The following LRRC4C variants were observed in gnomAD, a reference collection of about 807,000 sequenced individuals.
LRRC4C encodes the protein leucine rich repeat containing 4C.
A neutral mutation model predicts 33.6 loss-of-function variants in LRRC4C; 5 were observed. The observed-to-expected ratio is 0.15, with a 90% CI of 0.08 to 0.31. The LOEUF (loss-of-function observed/expected upper bound fraction) is 0.31. LRRC4C is among the 10% of genes least tolerant of loss of function. The pLI, the probability that LRRC4C is intolerant of heterozygous loss-of-function variation, is 1.00. For synonymous variants in LRRC4C, 329 were observed against 302.0 expected, an observed-to-expected ratio of 1.09 and a Z score of -0.93; for missense variants, 560 against 796.7, an observed-to-expected ratio of 0.70 and a Z score of 3.58.
intron 2 of LRRC4C, among the ~76,000 whole-genome samples, chr11:40,663,365 GCCACCGCAC>G (rs1943548514): frequency 6.6e-6 from 1 of 152,232 alleles, no homozygotes; most frequent in African/African-American, 2.4e-5. Context: ...ACAGGCGTGA[GCCACCGCAC>G]CCAGCCAATT....
At chr11:40,348,272 TA>T (rs71060953) in intron 3 of LRRC4C, among the ~76,000 whole-genome samples, 38 of 146,344 alleles carry the variant, frequency 2.6e-4, no homozygotes, top group African/African-American at 4.3e-4. Context: ...TTCAATTTGT[TA>T]AAAAAAAAAA....
chr11:40,193,468 C>A (rs1258096472), intron 5 of LRRC4C, among the ~76,000 whole-genome samples: 1 of 152,052 alleles, frequency 6.6e-6, no homozygotes, highest in Non-Finnish European at 1.5e-5. Context: ...CATCAAAGAC[C>A]AAAGGTAGAT....
At chr11:40,659,829 C>A (rs1436008231) in intron 2 of LRRC4C, among the ~76,000 whole-genome samples, 2 of 152,206 alleles carry the variant, frequency 1.3e-5, no homozygotes, top group African/African-American at 2.4e-5. Flanking sequence ...GAGAAAACTC[C>A]TCTCCACCTT....
At chr11:40,952,900 T>A (rs7479164) in intron 1 of LRRC4C, among the ~76,000 whole-genome samples, 19,061 of 70,710 alleles carry the variant, frequency 0.27, 1,424 homozygotes, top group Non-Finnish European at 0.37. Flanking sequence ...ACACACACTC[T>A]CTCTCTCTCT....
chr11:41,338,542 G>T (rs990012896), intron 1 of LRRC4C, among the ~76,000 whole-genome samples: 3 of 151,972 alleles, frequency 2.0e-5, no homozygotes, highest in Non-Finnish European at 1.5e-5. Context: ...GGGGCCTGTC[G>T]GGAGGTGGTG....
chr11:40,951,866 T>A (rs1405344663), intron 1 of LRRC4C, among the ~76,000 whole-genome samples: 1 of 152,016 alleles, frequency 6.6e-6, no homozygotes, highest in Non-Finnish European at 1.5e-5. Flanking sequence ...TTCTCTGTAA[T>A]CAGTCTGTCT....
chr11:41,004,020 C>T (rs892468047), intron 1 of LRRC4C, among the ~76,000 whole-genome samples: 9 of 151,962 alleles, frequency 5.9e-5, no homozygotes, highest in African/African-American at 7.3e-5. Flanking sequence ...GAAGACAAAA[C>T]GGCCCAGTGG....
intron 2 of LRRC4C, among the ~76,000 whole-genome samples, chr11:40,781,366 T>G (rs954897355): frequency 3.3e-5 from 5 of 152,074 alleles, no homozygotes; most frequent in Non-Finnish European, 5.9e-5. Flanking sequence ...CAAAATAATA[T>G]CAACCAATTA....
chr11:40,194,300 T>C (rs1862073522), intron 5 of LRRC4C, among the ~76,000 whole-genome samples: 1 of 152,152 alleles, frequency 6.6e-6, no homozygotes, highest in Non-Finnish European at 1.5e-5. Flanking sequence ...GGGGCCAATA[T>C]TCAACATTCT....
intron 1 of LRRC4C, among the ~76,000 whole-genome samples, chr11:41,072,397 G>C (rs1461483838): frequency 6.8e-6 from 1 of 147,028 alleles, no homozygotes; most frequent in African/African-American, 2.5e-5. Flanking sequence ...TCCATATGTT[G>C]AGCAGAGCTT....
intron 1 of LRRC4C, among the ~76,000 whole-genome samples, chr11:41,441,176 C>G (rs541150097): frequency 1.5e-4 from 23 of 152,218 alleles, no homozygotes; most frequent in African/African-American, 5.3e-4. Flanking sequence ...AGGACTATAA[C>G]TGAATATGCT....
intron 3 of LRRC4C, among the ~76,000 whole-genome samples, chr11:40,576,150 AG>A (rs1475331638): frequency 1.3e-5 from 2 of 152,202 alleles, no homozygotes; most frequent in Non-Finnish European, 2.9e-5. Flanking sequence ...GCCACGACAA[AG>A]GTCTGTAGAG....
At chr11:40,265,629 C>T (rs1161701954) in intron 4 of LRRC4C, among the ~76,000 whole-genome samples, 2 of 152,156 alleles carry the variant, frequency 1.3e-5, no homozygotes, top group African/African-American at 2.4e-5. Context: ...CCTAACAGCA[C>T]TAATGGTGCC....
intron 1 of LRRC4C, among the ~76,000 whole-genome samples, chr11:41,251,263 G>A (rs1346168024): frequency 6.6e-6 from 1 of 152,118 alleles, no homozygotes; most frequent in Non-Finnish European, 1.5e-5. Flanking sequence ...CAGCAAATAA[G>A]GACACAAACA....
intron 1 of LRRC4C, among the ~76,000 whole-genome samples, chr11:41,134,921 C>T (rs1943188425): frequency 6.6e-6 from 1 of 152,094 alleles, no homozygotes; most frequent in Non-Finnish European, 1.5e-5. Context: ...ACACCCCAAG[C>T]CATTTGTTTT....
intron 4 of LRRC4C, among the ~76,000 whole-genome samples, chr11:40,257,365 C>T (rs1380685345): frequency 6.6e-6 from 1 of 152,030 alleles, no homozygotes; most frequent in Non-Finnish European, 1.5e-5. Context: ...AGTATAAAAA[C>T]ATAAGAACAT....
chr11:40,569,286 T>C (rs888703859), intron 3 of LRRC4C, among the ~76,000 whole-genome samples: 2 of 152,156 alleles, frequency 1.3e-5, no homozygotes, highest in Non-Finnish European at 2.9e-5. Flanking sequence ...CTGAAACTGA[T>C]ATAAATGTGA....
At chr11:40,651,843 T>C (rs1942823589) in intron 2 of LRRC4C, among the ~76,000 whole-genome samples, 1 of 152,256 alleles carries the variant, frequency 6.6e-6, no homozygotes, top group South Asian at 2.1e-4. Flanking sequence ...TGTATCCATT[T>C]CAATATTTCT....
At chr11:41,163,284 G>GTTCTTTTTTTTTTTTTTTT (rs1944556344) in intron 1 of LRRC4C, among the ~76,000 whole-genome samples, 1 of 73,382 alleles carries the variant, frequency 1.4e-5, no homozygotes, top group African/African-American at 5.0e-5. Context: ...TACTGTAACT[G>GTTCTTTTTTTTTTTTTTTT]TTTTTTTTTT....
Sources: allele counts gnomAD v4.1 joint callset (sites outside exome capture counted in the v4.1 genomes callset), GRCh38; gene constraint gnomAD v4.1.1; transcripts MANE v1.5; gene names NCBI Gene and HGNC (gene_info 2026-07-23, HGNC 2026-07-21).